Variants in CTIF observed in about 807,000 individuals in gnomAD.
The protein encoded by CTIF is CBP80/20-dependent translation initiation factor.
Under a neutral mutation model 66.0 loss-of-function variants are expected in CTIF, and 21 were observed. The ratio of observed to expected loss-of-function variants is 0.32; its 90% confidence interval spans 0.23 to 0.46. CTIF has a LOEUF of 0.46. Among genes scored for constraint, CTIF ranks in the 20% least tolerant of loss-of-function variants. The probability of loss-of-function intolerance (pLI) is 1.00; values close to 1 mark genes in which losing one functional copy is unlikely to be tolerated. For missense variants in CTIF, 739 were observed against 812.7 expected (o/e 0.91, Z 1.10); for synonymous variants, 345 against 326.4 (o/e 1.06, Z -0.62).
chr18:48,709,516 G>C (rs1172366684), intron 6 of CTIF, among the ~76,000 whole-genome samples: 1 of 152,250 alleles, frequency 6.6e-6, no homozygotes, highest in Non-Finnish European at 1.5e-5. Flanking sequence ...TACACTAGGG[G>C]CTATGGCCAG....
chr18:48,583,755 C>T (rs2089711268), intron 1 of CTIF, among the ~76,000 whole-genome samples: 1 of 152,154 alleles, frequency 6.6e-6, no homozygotes, highest in Non-Finnish European at 1.5e-5. Flanking sequence ...GAGCAGGTGG[C>T]AGGGGCAGCC....
At chr18:48,647,557 A>G (rs967634336) in intron 3 of CTIF, among the ~76,000 whole-genome samples, 3 of 152,268 alleles carry the variant, frequency 2.0e-5, no homozygotes, top group Non-Finnish European at 4.4e-5. Context: ...TTTTACAAGT[A>G]TGTATGAATC....
intron 6 of CTIF, among the ~76,000 whole-genome samples, chr18:48,708,761 A>G (rs2092190318): frequency 6.6e-6 from 1 of 152,162 alleles, no homozygotes; most frequent in Non-Finnish European, 1.5e-5. Flanking sequence ...GAGCTTCTCC[A>G]TCCTCCCCCA....
chr18:48,637,166 A>G (rs188554848), intron 3 of CTIF, among the ~76,000 whole-genome samples: 233 of 152,264 alleles, frequency 1.5e-3, no homozygotes, highest in African/African-American at 5.4e-3. Context: ...GGGAGCTGTC[A>G]GAGACCTGTC....
At chr18:48,587,062 A>G (rs1006099154) in intron 1 of CTIF, among the ~76,000 whole-genome samples, 11 of 150,554 alleles carry the variant, frequency 7.3e-5, no homozygotes, top group Non-Finnish European at 1.6e-4. Flanking sequence ...TAAAAAGTGA[A>G]CTAAGCCACA....
intron 1 of CTIF, among the ~76,000 whole-genome samples, chr18:48,559,730 A>C (rs1014251728): frequency 6.6e-6 from 1 of 152,122 alleles, no homozygotes. Flanking sequence ...GGCTTCCTCA[A>C]AGCATGGTGG....
At chr18:48,615,310 C>A (rs1439621962) in intron 1 of CTIF, among the ~76,000 whole-genome samples, 3 of 152,226 alleles carry the variant, frequency 2.0e-5, no homozygotes, top group African/African-American at 7.2e-5. Flanking sequence ...GAGGGCCATG[C>A]TCTCTCCCTC....
chr18:48,543,023 G>A (rs192944071), intron 1 of CTIF, among the ~76,000 whole-genome samples: 50 of 152,372 alleles, frequency 3.3e-4, no homozygotes, highest in Non-Finnish European at 6.6e-4. Context: ...CTGCCTGGGT[G>A]TAGGAGTTTC....
intron 10 of CTIF, 133 bp from the exon 11 acceptor site, chr18:48,857,455 C>A: frequency 2.7e-6 from 2 of 741,786 alleles, no homozygotes; most frequent in Non-Finnish European, 4.4e-6. Context: ...TCACTCTAGC[C>A]TGAACCTTGG....
intron 1 of CTIF, among the ~76,000 whole-genome samples, chr18:48,590,312 C>T (rs1221259781): frequency 6.6e-6 from 1 of 152,206 alleles, no homozygotes; most frequent in African/African-American, 2.4e-5. Context: ...GCCTGCTGTG[C>T]AGCGCAGCTG....
At chr18:48,719,733 C>T (rs1391017970) in intron 7 of CTIF, among the ~76,000 whole-genome samples, 2 of 152,314 alleles carry the variant, frequency 1.3e-5, no homozygotes, top group Admixed American at 6.5e-5. Context: ...GTTCTGTTTA[C>T]TGCCATGTTT....
intron 10 of CTIF, among the ~76,000 whole-genome samples, chr18:48,822,132 G>A (rs1450222756): frequency 6.6e-6 from 1 of 152,124 alleles, no homozygotes; most frequent in Non-Finnish European, 1.5e-5. Context: ...GTTCATCCAT[G>A]TTGTTGTATA....
At chr18:48,565,879 T>G (rs188802386) in intron 1 of CTIF, 1 of 152,362 alleles carries the variant, frequency 6.6e-6, no homozygotes, top group Non-Finnish European at 1.5e-5. Context: ...GCGTGTGCCT[T>G]CTTGCTGTCC....
intron 2 of CTIF, among the ~76,000 whole-genome samples, chr18:48,622,843 T>A (rs1313797162): frequency 2.0e-5 from 3 of 152,166 alleles, no homozygotes; most frequent in Non-Finnish European, 4.4e-5. Context: ...GGGTACCCCC[T>A]GTTGTGGGCT....
At chr18:48,842,603 G>A (rs1190033777) in intron 10 of CTIF, among the ~76,000 whole-genome samples, 1 of 152,322 alleles carries the variant, frequency 6.6e-6, no homozygotes, top group Admixed American at 6.5e-5. Flanking sequence ...CCAGAGGCCA[G>A]GGCTGGCCTA....
chr18:48,758,070 C>T lies in CTIF; in HGVS notation c.736C>T (p.Gln246Ter). ...SGRPTHHGYS[Q>*]NRRWHHGNMK... ...GAGGCCCACTCACCATGGCTACAGCCAGAACCGGCGCTGGCACCATGGCAA... is the reference window on the plus strand; with the variant it reads ...GAGGCCCACTCACCATGGCTACAGCTAGAACCGGCGCTGGCACCATGGCAA... The change falls in exon 8 of 12, where the codon CAG becomes TAG. Residue 246 changes from glutamine (Q) to a stop codon, truncating the protein, a stop_gained. Coordinates refer to ENST00000256413, the MANE Select transcript of CTIF (RefSeq NM_014772.3). LOFTEE classifies it high-confidence loss of function. 1 of 1,614,108 alleles carries T rather than the reference C, an allele frequency of 6.2e-7. No homozygotes were observed. The highest frequency in any genetic ancestry group is 8.5e-7 in the Non-Finnish European group (1 of 1,180,004).
intron 2 of CTIF, among the ~76,000 whole-genome samples, chr18:48,628,553 TG>T (rs1160691844): frequency 1.3e-5 from 2 of 152,160 alleles, no homozygotes; most frequent in Non-Finnish European, 2.9e-5. Flanking sequence ...ATGGCAAGAC[TG>T]GGGTTTGAAA....
At chr18:48,606,574 A>G (rs11660262) in intron 1 of CTIF, among the ~76,000 whole-genome samples, 28,733 of 152,224 alleles carry the variant, frequency 0.19, 2,845 homozygotes, top group South Asian at 0.25. Context: ...TGGAGAGTAC[A>G]TAACTTCTGG....
intron 10 of CTIF, among the ~76,000 whole-genome samples, chr18:48,850,951 CAAGT>C (rs1280166404): frequency 3.3e-5 from 5 of 152,212 alleles, no homozygotes; most frequent in Admixed American, 3.3e-4. Flanking sequence ...CTGGGAGGGA[CAAGT>C]AAGATGAGAA....
Sources: gnomAD v4.1 joint callset for allele counts (sites outside exome capture counted in the v4.1 genomes callset) on GRCh38, gnomAD v4.1.1 for gene constraint, MANE v1.5 for transcripts, NCBI Gene and HGNC (gene_info 2026-07-23, HGNC 2026-07-21) for gene names.